Variants in XRN1 observed in about 807,000 individuals in gnomAD.
XRN1 encodes the protein 5'-3' exoribonuclease 1.
A neutral mutation model predicts 222.3 loss-of-function variants in XRN1; 67 were observed. That is an observed-to-expected ratio of 0.30 (90% CI 0.25 to 0.37). XRN1 has a LOEUF of 0.37. Ranked by LOEUF, XRN1 falls within the 10% of genes least tolerant of loss-of-function variation. The probability of loss-of-function intolerance (pLI) is 1.00; values close to 1 mark genes in which losing one functional copy is unlikely to be tolerated. For synonymous variants in XRN1, 643 were observed against 652.4 expected (o/e 0.99, Z 0.22); for missense variants, 1,707 against 2,000.2 (o/e 0.85, Z 2.80).
chr3:142,314,762 AGGTGTGGT>A (rs2065161524), intron 39 of XRN1, among the ~76,000 whole-genome samples: 1 of 151,648 alleles, frequency 6.6e-6, no homozygotes, highest in Admixed American at 6.6e-5. Context: ...AAAATTAGCC[AGGTGTGGT>A]GGTGGGTGCC....
chr3:142,347,358 C>A lies in XRN1; in HGVS notation c.3769-16G>T. On this transcript the variant is annotated splice_polypyrimidine_tract_variant and intron_variant, in intron 32 of 40. Coordinates refer to ENST00000392981, the MANE Select transcript of XRN1 (RefSeq NM_001282857.2). ...GAACTGCACCCTGAAAATTAAAATT[C>A]TTATAAATTAAACAAAATCTTAATA... The A allele has an allele frequency of 6.7e-7, 1 of 1,489,526 alleles. No individual in the cohort carries two copies. Among genetic ancestry groups the A allele is most frequent in the South Asian group, 1.4e-5 (1 of 72,996 alleles). The allele number at this position is 1,489,526 out of a possible 1,614,324, so 92.3% of individuals were successfully genotyped here.
At chr3:142,352,477 C>T (rs1238904255) in intron 32 of XRN1, among the ~76,000 whole-genome samples, 1 of 152,034 alleles carries the variant, frequency 6.6e-6, no homozygotes, top group Non-Finnish European at 1.5e-5. Context: ...GACATATACA[C>T]TAATTTTTTA....
rs372273884 is a variant in XRN1 at position 142,319,205 on chromosome 3, A to G, written c.4405-302T>C. Among the ~76,000 whole-genome samples the G allele has an allele frequency of 6.0e-4, 91 of 152,272 alleles. 1 individual carries two copies. The East Asian group carries it at 0.01, about 17-fold the overall frequency. On this transcript the variant is annotated intron_variant, in intron 37 of 40. Transcript: ENST00000392981. ...TATGGAGTTCTGCCTCTTTTTGTAAATAAAGTCTTACTGGAACATGGCCAC... is the reference window on the plus strand; with the variant it reads ...TATGGAGTTCTGCCTCTTTTTGTAAGTAAAGTCTTACTGGAACATGGCCAC...
chr3:142,383,456 A>G (rs1559835750), intron 21 of XRN1, 43 bp from the exon 22 acceptor site: 1 of 1,515,168 alleles, frequency 6.6e-7, no homozygotes, highest in South Asian at 1.2e-5. Flanking sequence ...TAATTTCTAT[A>G]GATTGCGTAT....
At chr3:142,357,342 A>C (rs561814787) in intron 30 of XRN1, among the ~76,000 whole-genome samples, 1 of 152,256 alleles carries the variant, frequency 6.6e-6, no homozygotes, top group South Asian at 2.1e-4. Context: ...AGTAGAGAAA[A>C]CCCAACTATG....
intron 20 of XRN1, among the ~76,000 whole-genome samples, chr3:142,392,161 T>C (rs966726607): frequency 1.3e-5 from 2 of 152,120 alleles, no homozygotes; most frequent in African/African-American, 4.8e-5. Flanking sequence ...GTATTCTCCT[T>C]ACAGCCCACT....
chr3:142,413,560 C>T (rs1222707976), intron 14 of XRN1, among the ~76,000 whole-genome samples: 4 of 152,126 alleles, frequency 2.6e-5, no homozygotes, highest in Non-Finnish European at 2.9e-5. Flanking sequence ...AAGAACGATA[C>T]AAAGTATAAC....
At chr3:142,441,527 G>A (rs1163196030) in intron 1 of XRN1, among the ~76,000 whole-genome samples, 1 of 152,248 alleles carries the variant, frequency 6.6e-6, no homozygotes, top group Non-Finnish European at 1.5e-5. Context: ...GAAAACTGAT[G>A]TAGTGGCAAA....
In XRN1 at chr3:142,365,002, A is replaced by T. The variant is rs748891498; in HGVS notation, c.3394+45T>A. On this transcript the variant is annotated intron_variant, in intron 29 of 40. Coordinates refer to ENST00000392981, the MANE Select transcript of XRN1 (RefSeq NM_001282857.2). ...AACAGACAAGCCTGTTTATTACTTT[A>T]CAATATAAATTACGTTGAAGACATT... 4.2e-5 allele frequency: 66 copies of T among 1,574,744 alleles called. 1 individual carries two copies. Among genetic ancestry groups the T allele is most frequent in the South Asian group, 3.9e-4 (33 of 83,804 alleles).
rs550918504 is a variant in XRN1, at chr3:142,437,257, T to A, written c.76-4364A>T. 8.8e-4 allele frequency among the ~76,000 whole-genome samples: 134 copies of A among 152,298 alleles called. 2 individuals are homozygous for A. Among genetic ancestry groups the A allele is most frequent in the African/African-American group, 3.2e-3 (133 of 41,548 alleles). The stretch of plus-strand genomic sequence containing the variant: ...CCATATCCAATTAGTCACTGAGGTA[T>A]TTTTCTTTTTAATTTAACATCCAAA... On this transcript the variant is annotated intron_variant, in intron 1 of 40. Coordinates refer to ENST00000392981, the MANE Select transcript of XRN1 (RefSeq NM_001282857.2).
chr3:142,342,577 A>C (rs1323427417), intron 33 of XRN1, among the ~76,000 whole-genome samples: 1 of 152,190 alleles, frequency 6.6e-6, no homozygotes, highest in Non-Finnish European at 1.5e-5. Context: ...ATGGCATGGC[A>C]CTGACATAAA....
At chr3:142,312,910 C>G (rs889448515) in intron 39 of XRN1, 152 bp from the exon 40 acceptor site, 1 of 925,228 alleles carries the variant, frequency 1.1e-6, no homozygotes, top group Non-Finnish European at 1.6e-6. Flanking sequence ...CTCTTCCTTA[C>G]AACATTCAAC....
intron 1 of XRN1, among the ~76,000 whole-genome samples, chr3:142,446,605 C>T (rs1361318010): frequency 6.6e-6 from 1 of 152,112 alleles, no homozygotes; most frequent in African/African-American, 2.4e-5. Context: ...GAATAACAAT[C>T]GCATTATTTT....
Position 142,310,575 on chromosome 3 carries a change from C to T in XRN1, c.*936G>A, listed in dbSNP as rs2065053454. 1 of 152,518 alleles carries T rather than the reference C, an allele frequency of 6.6e-6. No individual in the cohort carries two copies. The highest frequency in any genetic ancestry group is 6.5e-5 in the Admixed American group (1 of 15,268). The allele number at this position is 152,518 out of a possible 1,614,324, so 9.4% of individuals were successfully genotyped here. A position where few individuals can be genotyped will look rare whatever the true frequency, so the allele number is the denominator to read the frequency against. ...GTAGCACACCTTGGAACTTAAACAACAATTAGAATTTCTTCAGTCCCAAGA... is the reference window on the plus strand; with the variant it reads ...GTAGCACACCTTGGAACTTAAACAATAATTAGAATTTCTTCAGTCCCAAGA... On this transcript the variant is annotated 3_prime_UTR_variant, in exon 41 of 41. Transcript: ENST00000392981.
intron 33 of XRN1, among the ~76,000 whole-genome samples, chr3:142,340,354 TC>T (rs2065959495): frequency 6.6e-6 from 1 of 150,994 alleles, no homozygotes; most frequent in Non-Finnish European, 1.5e-5. Flanking sequence ...AAACTCCATC[TC>T]AAAAACAACC....
intron 37 of XRN1, among the ~76,000 whole-genome samples, chr3:142,320,079 G>A (rs2065312454): frequency 6.6e-6 from 1 of 151,984 alleles, no homozygotes; most frequent in African/African-American, 2.4e-5. Context: ...TCTTTTCCTG[G>A]GGTAGATACC....
intron 36 of XRN1, 64 bp downstream of exon 36, chr3:142,332,311 A>G (rs553211540): frequency 3.2e-6 from 4 of 1,247,898 alleles, no homozygotes; most frequent in Non-Finnish European, 4.4e-6. Context: ...TACATGATTA[A>G]AAAGAACCAA....
intron 36 of XRN1, among the ~76,000 whole-genome samples, chr3:142,331,801 G>A (rs190616859): frequency 1.7e-4 from 26 of 152,088 alleles, no homozygotes; most frequent in Non-Finnish European, 3.2e-4. Flanking sequence ...TTGAGACAGG[G>A]TCTATCTCTG....
At chr3:142,430,185 T>C (rs2069461539) in intron 2 of XRN1, among the ~76,000 whole-genome samples, 1 of 152,192 alleles carries the variant, frequency 6.6e-6, no homozygotes, top group African/African-American at 2.4e-5. Flanking sequence ...GTAGTGCTGT[T>C]TGGGAAGTTA....
Sources: allele counts gnomAD v4.1 joint callset (sites outside exome capture counted in the v4.1 genomes callset), GRCh38; gene constraint gnomAD v4.1.1; transcripts MANE v1.5; gene names NCBI Gene and HGNC (gene_info 2026-07-23, HGNC 2026-07-21).